The following UGT2B15 variants were observed in gnomAD, a reference collection of about 807,000 sequenced individuals.
UGT2B15 encodes UDP-glucuronosyltransferase 2B15.
A neutral mutation model predicts 45.9 loss-of-function variants in UGT2B15; 36 were observed. The observed-to-expected ratio is 0.78, with a 90% CI of 0.60 to 1.04. UGT2B15 has a LOEUF of 1.04. Ranked by LOEUF, UGT2B15 falls within the 50% of genes least tolerant of loss-of-function variation. The pLI is 0.00. For missense variants in UGT2B15, 617 were observed against 622.4 expected, an observed-to-expected ratio of 0.99 and a Z score of 0.09; for synonymous variants, 219 against 216.4, an observed-to-expected ratio of 1.01 and a Z score of -0.11.
rs762835403 is a variant in UGT2B15, at chr4:68,669,940, T to C, written c.679A>G (p.Ile227Val). 1.4e-5 allele frequency: 23 copies of C among 1,613,036 alleles called. No individual in the cohort carries two copies. The African/African-American group carries it at 2.8e-4, about 20-fold the overall frequency. ...HMLYFDFWFQIYDLKKWDQFY... is the reference protein window; with the variant it reads ...HMLYFDFWFQVYDLKKWDQFY... ...TGGTCCCACTTCTTCAGATCATAAA[T>C]TTGAAACCAAAAGTCAAAATAAAGC... The change falls in exon 1 of 6, where the codon ATT (isoleucine) becomes GTT (valine). Residue 227 changes from isoleucine (I) to valine (V), a missense_variant. Coordinates refer to ENST00000338206, the MANE Select transcript of UGT2B15 (RefSeq NM_001076.4).
At position 68,652,040 on chromosome 4, in the gene UGT2B15, T is replaced by C. The variant is rs542800991; in HGVS notation, c.1313+1997A>G. Among the ~76,000 whole-genome samples, 36 of 152,246 alleles carry C rather than the reference T, an allele frequency of 2.4e-4. 1 individual carries two copies. The highest frequency in any genetic ancestry group is 6.8e-3 in the Middle Eastern group (2 of 294). On this transcript the variant is annotated intron_variant, in intron 5 of 5. Coordinates refer to ENST00000338206, the MANE Select transcript of UGT2B15 (RefSeq NM_001076.4). ...TTTTTCCATTTGTTTGTGTCCTGTC[T>C]TAATTCCTTCAGCAGTGGTTTCTAG...
At position 68,654,134 on chromosome 4, in the gene UGT2B15, G is replaced by A; in HGVS notation, c.1216C>T (p.His406Tyr). The change falls in exon 5 of 6, where the codon CAC (histidine) becomes TAC (tyrosine). Residue 406 changes from histidine (H) to tyrosine (Y), a missense_variant. Physicochemically the swap from His to Tyr is moderately conservative, Grantham distance 83. Around this residue, in one of 3 missense-constraint regions of UGT2B15, gnomAD observed 265 missense variants for 245.1 expected, o/e 1.08. Coordinates refer to ENST00000338206, the MANE Select transcript of UGT2B15 (RefSeq NM_001076.4). ...AGGGCTGCTCCCTTGGCTTTCATGTGAGCAATGTTATCATGTTGATCCGCA... is the reference window on the plus strand; with the variant it reads ...AGGGCTGCTCCCTTGGCTTTCATGTAAGCAATGTTATCATGTTGATCCGCA... ...LFADQHDNIA[H>Y]MKAKGAALSV... The A allele has an allele frequency of 6.2e-7, 1 of 1,613,592 alleles. No homozygotes were observed.
In UGT2B15 at chr4:68,670,631, C is replaced by T. The variant is rs770871379; in HGVS notation, c.-13G>A. On this transcript the variant is annotated 5_prime_UTR_variant, in exon 1 of 6. Coordinates refer to ENST00000338206, the MANE Select transcript of UGT2B15 (RefSeq NM_001076.4). ...ATTTCAGAGACATCCTGGTCTTATG[C>T]AATGCTTCTTTTCCAGTTGTTGTTT... 1.3e-6 allele frequency: 2 copies of T among 1,540,392 alleles called. No homozygotes were observed. Among genetic ancestry groups the T allele is most frequent in the East Asian group, 2.3e-5 (1 of 44,120 alleles).
chr4:68,652,845 T>A (rs1374992176), intron 5 of UGT2B15, among the ~76,000 whole-genome samples: 1 of 151,840 alleles, frequency 6.6e-6, no homozygotes. Flanking sequence ...AAAGACAAAA[T>A]ATTCACAAGA....
chr4:68,665,544 C>A (rs1733094462), intron 2 of UGT2B15, among the ~76,000 whole-genome samples: 1 of 152,008 alleles, frequency 6.6e-6, no homozygotes, highest in Non-Finnish European at 1.5e-5. Context: ...TGTACAGTTT[C>A]ATGTGAGTAT....
At position 68,670,272 on chromosome 4, in the gene UGT2B15, A is replaced by C. The variant is rs1222794688; in HGVS notation, c.347T>G (p.Leu116Trp). 6.2e-7 allele frequency: 1 copy of C among 1,613,954 alleles called. No individual in the cohort carries two copies. Among genetic ancestry groups the C allele is most frequent in the African/African-American group, 1.3e-5 (1 of 74,904 alleles). The stretch of plus-strand genomic sequence containing the variant: ...ACTGTAGTCATAATATTCCCAACAC[A>C]ATTCTTGTAATTGTGAAAAATATGA... ...FWSYFSQLQE[L>W]CWEYYDYSNK... The change falls in exon 1 of 6, where the codon TTG becomes TGG. Residue 116 changes from leucine to tryptophan, a missense_variant. By Grantham distance (61) the Leu-to-Trp change is moderately conservative. Coordinates refer to ENST00000338206, the MANE Select transcript of UGT2B15 (RefSeq NM_001076.4).
At chr4:68,663,201 G>C in intron 2 of UGT2B15, 62 bp from the exon 3 acceptor site, 1 of 1,551,446 alleles carries the variant, frequency 6.4e-7, no homozygotes, top group Non-Finnish European at 8.7e-7. Context: ...CTATTGACAG[G>C]ATTGTTACAA....
At position 68,647,174 on chromosome 4, in the gene UGT2B15, A is replaced by G; in HGVS notation, c.1523T>C (p.Ile508Thr). 1 of 1,613,920 alleles carries G rather than the reference A, an allele frequency of 6.2e-7. No individual in the cohort carries two copies. Among genetic ancestry groups the G allele is most frequent in the Non-Finnish European group, 8.5e-7 (1 of 1,179,910 alleles). The change falls in exon 6 of 6, where the codon ATC becomes ACC. Residue 508 changes from isoleucine (I) to threonine (T), a missense_variant. Physicochemically the swap from Ile to Thr is moderately conservative, Grantham distance 89 (BLOSUM62 -1). Coordinates refer to ENST00000338206, the MANE Select transcript of UGT2B15 (RefSeq NM_001076.4). ...LLACVATVIF[I>T]ITKFCLFCFR... is the part of the protein sequence containing the mutation. Reference sequence around the variant, plus strand: ...ACAAAACAGGCAAAATTTTGTGATGATAAATATCACAGTTGCCACGCAGGC... The same window carrying G: ...ACAAAACAGGCAAAATTTTGTGATGGTAAATATCACAGTTGCCACGCAGGC...
At chr4:68,654,397 A>C (rs1470933066) in intron 4 of UGT2B15, 141 bp from the exon 5 acceptor site, 2 of 867,386 alleles carry the variant, frequency 2.3e-6, no homozygotes, top group Admixed American at 3.2e-5. Context: ...ATTGTTTTCA[A>C]ATTTCAGAAG....
At chr4:68,653,582 A>G (rs1732714991) in intron 5 of UGT2B15, among the ~76,000 whole-genome samples, 1 of 151,986 alleles carries the variant, frequency 6.6e-6, no homozygotes, top group African/African-American at 2.4e-5. Flanking sequence ...TACTAAATAT[A>G]TTTAGATTTT....
At chr4:68,648,427 T>A (rs1732547871) in intron 5 of UGT2B15, among the ~76,000 whole-genome samples, 1 of 152,134 alleles carries the variant, frequency 6.6e-6, no homozygotes, top group Non-Finnish European at 1.5e-5. Flanking sequence ...TTTGCTTCTA[T>A]TTCTTTTTGA....
intron 5 of UGT2B15, among the ~76,000 whole-genome samples, chr4:68,651,755 A>G (rs141773266): frequency 6.6e-6 from 1 of 152,206 alleles, no homozygotes; most frequent in East Asian, 1.9e-4. Context: ...TACCAGTACC[A>G]TTCTGTTTTG....
intron 5 of UGT2B15, among the ~76,000 whole-genome samples, chr4:68,649,267 T>C (rs1416521743): frequency 7.6e-6 from 1 of 131,672 alleles, no homozygotes; most frequent in Non-Finnish European, 1.6e-5. Context: ...AACTATTTCA[T>C]ATAATCTTTT....
intron 5 of UGT2B15, among the ~76,000 whole-genome samples, chr4:68,651,207 G>A (rs1000774377): frequency 6.6e-6 from 1 of 151,710 alleles, no homozygotes; most frequent in Non-Finnish European, 1.5e-5. Flanking sequence ...TTTGGTGTTT[G>A]TGTCATGAAA....
chr4:68,649,516 T>C (rs1306195811), intron 5 of UGT2B15, among the ~76,000 whole-genome samples: 2 of 151,784 alleles, frequency 1.3e-5, no homozygotes, highest in African/African-American at 4.8e-5. Flanking sequence ...CCTGACCTCA[T>C]GTGATCCTCC....
chr4:68,660,364 G>A (rs1436700431), intron 3 of UGT2B15, among the ~76,000 whole-genome samples: 1 of 151,742 alleles, frequency 6.6e-6, no homozygotes, highest in Non-Finnish European at 1.5e-5. Flanking sequence ...AACCCCAAGA[G>A]GAGAGGAATT....
intron 5 of UGT2B15, among the ~76,000 whole-genome samples, chr4:68,651,723 A>G (rs980091370): frequency 2.6e-5 from 4 of 152,026 alleles, no homozygotes; most frequent in African/African-American, 7.2e-5. Context: ...GTTCTGTTCC[A>G]TTGGTCTATA....
chr4:68,670,315 A>G lies in UGT2B15; in HGVS notation c.304T>C (p.Ser102Pro), dbSNP rs776440828. 3.1e-6 allele frequency: 5 copies of G among 1,613,938 alleles called. No individual in the cohort carries two copies. Among genetic ancestry groups the G allele is most frequent in the Non-Finnish European group, 4.2e-6 (5 of 1,179,986 alleles). Reference sequence around the variant, plus strand: ...AAATATGACCAAAATGTATTTTTTGAAACACCATATATCCATCTATCGAGA... The same window carrying G: ...AAATATGACCAAAATGTATTTTTTGGAACACCATATATCCATCTATCGAGA... ...KILDRWIYGV[S>P]KNTFWSYFSQ... Residue 102 changes from serine (S) to proline (P), a missense_variant, in exon 1 of 6, where the codon TCA becomes CCA. By Grantham distance (74) the Ser-to-Pro change is moderately conservative (BLOSUM62 -1). Transcript: ENST00000338206.
Position 68,669,409 on chromosome 4 carries a change from A to T in UGT2B15, c.724+486T>A, listed in dbSNP as rs189257991. On this transcript the variant is annotated intron_variant, in intron 1 of 5. Coordinates refer to ENST00000338206, the MANE Select transcript of UGT2B15 (RefSeq NM_001076.4). ...GTTTCTGGAGTAGAGCCACTATATT[A>T]CTCAACTGTGAAGGAATCCTTCTTA... Among the ~76,000 whole-genome samples, 891 of 152,254 alleles carry T rather than the reference A, an allele frequency of 5.9e-3. 3 individuals are homozygous for T. Among genetic ancestry groups the T allele is most frequent in the Non-Finnish European group, 0.011 (715 of 68,014 alleles).
Sources: gnomAD v4.1 joint callset for allele counts (sites outside exome capture counted in the v4.1 genomes callset) on GRCh38, gnomAD v4.1.1 for gene constraint, gnomAD v4.1.1 regional missense constraint, MANE v1.5 for transcripts, NCBI Gene and HGNC (gene_info 2026-07-23, HGNC 2026-07-21) for gene names.